Variants in TGM4 observed in about 807,000 individuals in gnomAD.
The protein encoded by TGM4 is transglutaminase 4, also known as protein-glutamine gamma-glutamyltransferase 4.
A neutral mutation model predicts 76.3 loss-of-function variants in TGM4; 61 were observed. That is an observed-to-expected ratio of 0.80 (90% CI 0.65 to 0.99). The LOEUF (loss-of-function observed/expected upper bound fraction) is 0.99, where lower values mean the gene tolerates loss of function less well. TGM4 is among the 50% of genes least tolerant of loss of function. The pLI, the probability that TGM4 is intolerant of heterozygous loss-of-function variation, is 0.00. For missense variants in TGM4, 794 were observed against 843.2 expected, an observed-to-expected ratio of 0.94 and a Z score of 0.72; for synonymous variants, 337 against 329.8, an observed-to-expected ratio of 1.02 and a Z score of -0.24.
chr3:44,891,341 G>A (rs1334493018), intron 4 of TGM4, among the ~76,000 whole-genome samples: 1 of 148,788 alleles, frequency 6.7e-6, no homozygotes. Flanking sequence ...AGGTACCCAT[G>A]CTAGAAGCCA....
rs111747879 is a variant in TGM4 at position 44,877,662 on chromosome 3, C to T, written c.19+2965C>T. ...TCATTTTTTCATTTATCAGATTAGCCAAGATTAAAAGTTTAATAGTAAATA... is the reference window on the plus strand; with the variant it reads ...TCATTTTTTCATTTATCAGATTAGCTAAGATTAAAAGTTTAATAGTAAATA... On this transcript the variant is annotated intron_variant, in intron 1 of 13. Transcript: ENST00000296125. Among the ~76,000 whole-genome samples, 3 of 151,744 alleles carry T rather than the reference C, an allele frequency of 2.0e-5. 1 individual carries two copies. The highest frequency in any genetic ancestry group is 4.8e-5 in the African/African-American group (2 of 41,400).
At position 44,913,662 on chromosome 3, in the gene TGM4, CA is replaced by C; in HGVS notation, c.1994del (p.Lys665SerfsTer2). The C allele has an allele frequency of 6.2e-7, 1 of 1,614,206 alleles. No homozygotes were observed. The highest frequency in any genetic ancestry group is 8.5e-7 in the Non-Finnish European group (1 of 1,180,036). On this transcript the variant is annotated frameshift_variant, in exon 14 of 14. Coordinates refer to ENST00000296125, the MANE Select transcript of TGM4 (RefSeq NM_003241.4). LOFTEE classifies it high-confidence loss of function. ...AAACTGGACCCAAGAAATTTATCGT[CA>C]AGTTAAGTTCCAAACAAGTGAAAGA... Reference protein sequence around the residue: ...IKTGPKKFIVKLSSKQVKEIN... With the variant: ...IKTGPKKFIVXLSSKQVKEIN...
intron 13 of TGM4, 80 bp downstream of exon 13, chr3:44,911,486 A>G: frequency 6.6e-7 from 1 of 1,525,162 alleles, no homozygotes; most frequent in Non-Finnish European, 8.9e-7. Context: ...TGAGAAGTGA[A>G]TTCCCAGTAT....
intron 1 of TGM4, among the ~76,000 whole-genome samples, chr3:44,877,353 C>A (rs1336844106): frequency 6.6e-6 from 1 of 152,084 alleles, no homozygotes; most frequent in East Asian, 1.9e-4. Flanking sequence ...GTGACTGAGG[C>A]ATGAGAATTG....
At chr3:44,882,459 G>C (rs544557287) in intron 1 of TGM4, among the ~76,000 whole-genome samples, 1 of 152,202 alleles carries the variant, frequency 6.6e-6, no homozygotes, top group Non-Finnish European at 1.5e-5. Flanking sequence ...TTATTCTCTC[G>C]TTCTGGAAGA....
At position 44,874,710 on chromosome 3, in the gene TGM4, A is replaced by T; in HGVS notation, c.19+13A>T. The T allele has an allele frequency of 1.2e-6, 2 of 1,614,168 alleles. No individual in the cohort carries two copies. Among genetic ancestry groups the T allele is most frequent in the East Asian group, 2.2e-5 (1 of 44,892 alleles). ...GATGCATCAAAAGGTGAGTGGGTGA[A>T]ATCTCCATGGAGCCCCACATGCCCC... is the stretch of plus-strand genomic sequence containing the variant. On this transcript the variant is annotated intron_variant, in intron 1 of 13. Coordinates refer to ENST00000296125, the MANE Select transcript of TGM4 (RefSeq NM_003241.4).
At chr3:44,888,670 AT>A (rs1699645867) in intron 3 of TGM4, 1 of 152,162 alleles carries the variant, frequency 6.6e-6, no homozygotes, top group Non-Finnish European at 1.5e-5. Flanking sequence ...ATTTTTTTTA[AT>A]TGACATATAA....
intron 3 of TGM4, among the ~76,000 whole-genome samples, chr3:44,890,107 C>G (rs1395833288): frequency 6.6e-6 from 1 of 152,178 alleles, no homozygotes; most frequent in Non-Finnish European, 1.5e-5. Flanking sequence ...CACTGACTAT[C>G]ATGAGAACAG....
intron 1 of TGM4, among the ~76,000 whole-genome samples, chr3:44,880,042 C>G (rs1699511079): frequency 6.6e-6 from 1 of 151,340 alleles, no homozygotes; most frequent in African/African-American, 2.4e-5. Context: ...CAAGGGATCC[C>G]CCTGCCTCAG....
At chr3:44,891,231 T>C (rs1575716855) in intron 4 of TGM4, among the ~76,000 whole-genome samples, 1 of 152,216 alleles carries the variant, frequency 6.6e-6, no homozygotes, top group African/African-American at 2.4e-5. Context: ...CTCCAGAGGG[T>C]GCTGGACATC....
intron 3 of TGM4, chr3:44,890,360 T>A (rs1699674739): frequency 4.9e-6 from 2 of 406,424 alleles, no homozygotes; most frequent in East Asian, 4.0e-5. Context: ...AAATGCCCAG[T>A]CTCTCCAGGG....
At chr3:44,907,474 C>T (rs549851417) in intron 10 of TGM4, among the ~76,000 whole-genome samples, 1 of 152,192 alleles carries the variant, frequency 6.6e-6, no homozygotes, top group Admixed American at 6.5e-5. Flanking sequence ...CAGAGCAAGA[C>T]CCTGTCTCAT....
chr3:44,874,738 C>T, intron 1 of TGM4, 41 bp downstream of exon 1: 1 of 1,613,848 alleles, frequency 6.2e-7, no homozygotes, highest in Non-Finnish European at 8.5e-7. Flanking sequence ...CATGCCCCTT[C>T]AGCCAGCTGG....
At chr3:44,885,283 A>G (rs535311644) in intron 1 of TGM4, 42 bp from the exon 2 acceptor site, 1 of 1,556,668 alleles carries the variant, frequency 6.4e-7, no homozygotes, top group South Asian at 1.2e-5. Flanking sequence ...GGGAATAAAC[A>G]TTCTCTGTGC....
rs557396522 is a variant in TGM4 at position 44,877,319 on chromosome 3, A to T, written c.19+2622A>T. 3.9e-5 allele frequency among the ~76,000 whole-genome samples: 6 copies of T among 152,216 alleles called. No individual in the cohort carries two copies. The East Asian group carries it at 1.2e-3, about 29-fold the overall frequency. On this transcript the variant is annotated intron_variant, in intron 1 of 13. Coordinates refer to ENST00000296125, the MANE Select transcript of TGM4 (RefSeq NM_003241.4). ...AAAAATTAGCCGGGTGTGGTGGGGT[A>T]CACCGGTAATCCCAGCTACTTGGGT...
intron 2 of TGM4, 22 bp downstream of exon 2, chr3:44,885,520 C>A: frequency 6.2e-7 from 1 of 1,600,078 alleles, no homozygotes; most frequent in African/African-American, 1.3e-5. Flanking sequence ...GGGCCCTACT[C>A]ATGGGGCTTT....
At chr3:44,896,439 G>A (rs1394299163) in intron 5 of TGM4, among the ~76,000 whole-genome samples, 10 of 152,210 alleles carry the variant, frequency 6.6e-5, no homozygotes, top group African/African-American at 2.2e-4. Context: ...TGATTACAAA[G>A]GAATTTTCCC....
Position 44,913,669 on chromosome 3 carries a change from A to T in TGM4, c.1999A>T (p.Ser667Cys). The T allele has an allele frequency of 1.2e-6, 2 of 1,614,254 alleles. No homozygotes were observed. Among genetic ancestry groups the T allele is most frequent in the Non-Finnish European group, 1.7e-6 (2 of 1,180,048 alleles). ...ACCCAAGAAATTTATCGTCAAGTTA[A>T]GTTCCAAACAAGTGAAAGAGATTAA... is the stretch of plus-strand genomic sequence containing the variant. ...TGPKKFIVKL[S>C]SKQVKEINAQ... The change falls in exon 14 of 14, where the codon AGT becomes TGT. Residue 667 changes from serine (S) to cysteine (C), a missense_variant. Physicochemically the swap from Ser to Cys is moderately radical, Grantham distance 112. Coordinates refer to ENST00000296125, the MANE Select transcript of TGM4 (RefSeq NM_003241.4).
chr3:44,892,648 G>C (rs1038157855), intron 4 of TGM4, among the ~76,000 whole-genome samples: 1 of 152,124 alleles, frequency 6.6e-6, no homozygotes, highest in Non-Finnish European at 1.5e-5. Context: ...TGGGATTATA[G>C]GCATGAGGCA....
Sources: gnomAD v4.1 joint callset for allele counts (sites outside exome capture counted in the v4.1 genomes callset) on GRCh38, gnomAD v4.1.1 for gene constraint, MANE v1.5 for transcripts, NCBI Gene and HGNC (gene_info 2026-07-23, HGNC 2026-07-21) for gene names.